The following NAALADL2 variants were observed in gnomAD, a reference collection of about 807,000 sequenced individuals.
NAALADL2 encodes inactive N-acetylated-alpha-linked acidic dipeptidase-like protein 2.
Under a neutral mutation model 87.2 loss-of-function variants are expected in NAALADL2, and 76 were observed. The observed-to-expected ratio is 0.87, with a 90% confidence interval of 0.72 to 1.05. NAALADL2 has a LOEUF of 1.05. Among genes scored for constraint, NAALADL2 ranks in the 50% least tolerant of loss-of-function variants. The probability of loss-of-function intolerance (pLI) is 0.00; values close to 1 mark genes in which losing one functional copy is unlikely to be tolerated. For synonymous variants in NAALADL2, 354 were observed against 331.0 expected, an observed-to-expected ratio of 1.07 and a Z score of -0.75; for missense variants, 1,089 against 945.8, an observed-to-expected ratio of 1.15 and a Z score of -1.99.
intron 3 of NAALADL2, among the ~76,000 whole-genome samples, chr3:174,775,285 C>A (rs1346421006): frequency 6.6e-6 from 1 of 151,648 alleles, no homozygotes; most frequent in Non-Finnish European, 1.5e-5. Flanking sequence ...CATCCATTAG[C>A]AGTCACTCCC....
At chr3:175,143,769 C>A (rs1462200604) in intron 2 of NAALADL2, among the ~76,000 whole-genome samples, 1 of 151,854 alleles carries the variant, frequency 6.6e-6, no homozygotes, top group Admixed American at 6.6e-5. Flanking sequence ...TCTCAAGTTT[C>A]TTTTTTCTTT....
intron 2 of NAALADL2, among the ~76,000 whole-genome samples, chr3:175,197,398 C>T (rs974428874): frequency 2.6e-5 from 4 of 151,834 alleles, no homozygotes; most frequent in African/African-American, 9.7e-5. Flanking sequence ...CATGACACAG[C>T]TTTTTTTCTA....
At chr3:175,612,456 C>G (rs1278687079) in intron 10 of NAALADL2, among the ~76,000 whole-genome samples, 1 of 152,194 alleles carries the variant, frequency 6.6e-6, no homozygotes, top group Admixed American at 6.5e-5. Context: ...TAAAGGTACT[C>G]TCTTCCTATT....
At chr3:175,409,101 AT>A (rs1259137779) in intron 5 of NAALADL2, among the ~76,000 whole-genome samples, 1 of 151,884 alleles carries the variant, frequency 6.6e-6, no homozygotes, top group Non-Finnish European at 1.5e-5. Context: ...TTTTTTACAC[AT>A]GGAGATTTTT....
At chr3:174,571,607 G>A (rs573642047) in intron 2 of NAALADL2, among the ~76,000 whole-genome samples, 49 of 152,124 alleles carry the variant, frequency 3.2e-4, no homozygotes, top group African/African-American at 1.2e-3. Flanking sequence ...TCGAGCTCCC[G>A]ACCTCCAGTG....
At chr3:174,752,305 C>T (rs901297709) in intron 3 of NAALADL2, among the ~76,000 whole-genome samples, 7 of 152,096 alleles carry the variant, frequency 4.6e-5, no homozygotes, top group African/African-American at 1.7e-4. Flanking sequence ...AAAAATTTTC[C>T]AGTGAGACCA....
intron 3 of NAALADL2, among the ~76,000 whole-genome samples, chr3:174,743,770 T>TA (rs1424558065): frequency 2.6e-5 from 4 of 151,918 alleles, no homozygotes; most frequent in African/African-American, 9.7e-5. Flanking sequence ...CCAGTAATAA[T>TA]AATAACCATC....
intron 2 of NAALADL2, among the ~76,000 whole-genome samples, chr3:174,637,356 G>T (rs1169300386): frequency 6.6e-6 from 1 of 151,926 alleles, no homozygotes; most frequent in African/African-American, 2.4e-5. Context: ...TATAAATGAT[G>T]AATACTTGGT....
At chr3:175,425,504 C>G (rs2149138679) in intron 5 of NAALADL2, among the ~76,000 whole-genome samples, 1 of 152,134 alleles carries the variant, frequency 6.6e-6, no homozygotes, top group Non-Finnish European at 1.5e-5. Flanking sequence ...TTACCCAGGA[C>G]AAACATCTGC....
intron 5 of NAALADL2, among the ~76,000 whole-genome samples, chr3:175,334,528 G>T (rs1344055846): frequency 1.3e-5 from 2 of 151,974 alleles, no homozygotes; most frequent in Non-Finnish European, 2.9e-5. Flanking sequence ...TGTCTATTCT[G>T]TGTTTCTTTT....
intron 6 of NAALADL2, among the ~76,000 whole-genome samples, chr3:175,451,071 C>A (rs948468876): frequency 6.6e-6 from 1 of 151,908 alleles, no homozygotes; most frequent in African/African-American, 2.4e-5. Flanking sequence ...AAAAGAAACC[C>A]TTATTTATAT....
chr3:175,077,976 A>ATGAGAATAAT (rs1716947399), intron 1 of NAALADL2, among the ~76,000 whole-genome samples: 1 of 151,762 alleles, frequency 6.6e-6, no homozygotes, highest in Non-Finnish European at 1.5e-5. Flanking sequence ...TACACTCATA[A>ATGAGAATAAT]TGAGAATAAT....
chr3:175,477,414 T>C (rs943313567), intron 9 of NAALADL2, among the ~76,000 whole-genome samples: 1 of 152,162 alleles, frequency 6.6e-6, no homozygotes, highest in African/African-American at 2.4e-5. Context: ...CAAAGAATTA[T>C]AGAACTTCTT....
chr3:175,102,703 A>G (rs1394985312), intron 2 of NAALADL2, among the ~76,000 whole-genome samples: 3 of 124,224 alleles, frequency 2.4e-5, no homozygotes, highest in Non-Finnish European at 5.7e-5. Context: ...ATTTTTTATC[A>G]TTGATACAAC....
chr3:175,306,960 G>A (rs771927173), intron 4 of NAALADL2, among the ~76,000 whole-genome samples: 18 of 152,268 alleles, frequency 1.2e-4, no homozygotes, highest in Middle Eastern at 3.4e-3. Flanking sequence ...CAGACTTGTG[G>A]TAGGCCCACT....
intron 5 of NAALADL2, among the ~76,000 whole-genome samples, chr3:175,392,257 G>A (rs1418501699): frequency 1.3e-5 from 2 of 152,036 alleles, no homozygotes; most frequent in African/African-American, 4.8e-5. Flanking sequence ...TATTTTTCCT[G>A]GATGTGTAAT....
rs768114051 is a variant in NAALADL2 at position 175,412,823 on chromosome 3, A to C, written c.1091-34406A>C. 1.1e-4 allele frequency among the ~76,000 whole-genome samples: 16 copies of C among 150,904 alleles called. 1 individual carries two copies. The highest frequency in any genetic ancestry group is 6.9e-3 in the Middle Eastern group (2 of 288). On this transcript the variant is annotated intron_variant, in intron 5 of 13. Coordinates refer to ENST00000454872, the MANE Select transcript of NAALADL2 (RefSeq NM_207015.3). ...TGAAATTATCCATCTGATTATTTCA[A>C]GTATTGGGACATTTTGGGTCAGACT...
intron 2 of NAALADL2, among the ~76,000 whole-genome samples, chr3:174,560,179 T>A (rs1338823271): frequency 6.6e-6 from 1 of 152,232 alleles, no homozygotes; most frequent in Non-Finnish European, 1.5e-5. Flanking sequence ...TAGAGACTGT[T>A]ACTGCCCTTA....
At chr3:174,456,991 C>T (rs188745822) in intron 1 of NAALADL2, among the ~76,000 whole-genome samples, 25 of 152,088 alleles carry the variant, frequency 1.6e-4, no homozygotes, top group African/African-American at 5.8e-4. Context: ...CAAGCATCTA[C>T]AGGGAACTTA....
Sources: gnomAD v4.1 joint callset for allele counts (sites outside exome capture counted in the v4.1 genomes callset) on GRCh38, gnomAD v4.1.1 for gene constraint, MANE v1.5 for transcripts, NCBI Gene and HGNC (gene_info 2026-07-23, HGNC 2026-07-21) for gene names.